The following GNA12 variants were observed in gnomAD, a reference collection of about 807,000 sequenced individuals.
The protein encoded by GNA12 is guanine nucleotide-binding protein subunit alpha-12.
Under a neutral mutation model 26.0 loss-of-function variants are expected in GNA12, and 9 were observed. That is an observed-to-expected ratio of 0.35 (90% CI 0.21 to 0.60). GNA12 has a LOEUF of 0.60. Among genes scored for constraint, GNA12 ranks in the 20% least tolerant of loss-of-function variants. GNA12 has a pLI of 0.78. For missense variants in GNA12, 405 were observed against 525.8 expected (o/e 0.77, Z 2.25); for synonymous variants, 264 against 219.6 (o/e 1.20, Z -1.79).
chr7:2,781,110 C>G (rs1792216894), intron 2 of GNA12, among the ~76,000 whole-genome samples: 1 of 152,202 alleles, frequency 6.6e-6, no homozygotes, highest in African/African-American at 2.4e-5. Flanking sequence ...GTAACTCATA[C>G]TGAATTGCCT....
intron 1 of GNA12, among the ~76,000 whole-genome samples, chr7:2,812,645 TCACATCACATCAC>T (rs1288201612): frequency 3.8e-5 from 3 of 79,424 alleles, no homozygotes; most frequent in Non-Finnish European, 9.2e-5. Context: ...TAACATCACA[TCACATCACATCAC>T]ATCACATCAC....
At chr7:2,797,530 T>G (rs1792707140) in intron 1 of GNA12, among the ~76,000 whole-genome samples, 2 of 152,128 alleles carry the variant, frequency 1.3e-5, no homozygotes, top group Non-Finnish European at 2.9e-5. Context: ...GTGTACAACT[T>G]AATGATTTTT....
At chr7:2,769,676 T>A (rs1335117743) in intron 2 of GNA12, among the ~76,000 whole-genome samples, 2 of 151,970 alleles carry the variant, frequency 1.3e-5, no homozygotes, top group Non-Finnish European at 2.9e-5. Context: ...GAGCTTGCAG[T>A]GAGCCGAGAT....
chr7:2,751,742 T>TA (rs1583236182), intron 2 of GNA12, among the ~76,000 whole-genome samples: 1 of 152,228 alleles, frequency 6.6e-6, no homozygotes, highest in African/African-American at 2.4e-5. Flanking sequence ...AACTTTATGC[T>TA]AACAGATTGG....
chr7:2,777,468 A>G (rs905145524), intron 2 of GNA12, among the ~76,000 whole-genome samples: 11 of 152,228 alleles, frequency 7.2e-5, no homozygotes, highest in African/African-American at 2.7e-4. Context: ...TGCCTCCCCA[A>G]ATTCCTATCC....
chr7:2,745,313 C>T (rs997000573), intron 2 of GNA12, among the ~76,000 whole-genome samples: 33 of 152,236 alleles, frequency 2.2e-4, no homozygotes, highest in Non-Finnish European at 3.8e-4. Flanking sequence ...AGACTAACAG[C>T]TGATCTCTTG....
intron 1 of GNA12, among the ~76,000 whole-genome samples, chr7:2,807,686 ACC>A (rs1792981847): frequency 6.6e-6 from 1 of 152,180 alleles, no homozygotes; most frequent in Non-Finnish European, 1.5e-5. Flanking sequence ...TTGCGATAAG[ACC>A]AAATGGAAAA....
chr7:2,814,377 T>C (rs755506689), intron 1 of GNA12: 1 of 1,578,902 alleles, frequency 6.3e-7, no homozygotes, highest in Middle Eastern at 1.7e-4. Context: ...CCATCTGGTG[T>C]GCTTCCCGAA....
rs112433606 is a variant in GNA12 at position 2,799,620 on chromosome 7, T to C, written c.310-4477A>G. ...CTCAACAGTTTAAAAAGCAAACAAA[T>C]CCAGTTAGAAAATGGGCAAAATTCA... is the stretch of plus-strand genomic sequence containing the variant. On this transcript the variant is annotated intron_variant, in intron 1 of 3. Transcript: ENST00000275364. 7.0e-3 allele frequency among the ~76,000 whole-genome samples: 1,049 copies of C among 149,534 alleles called. 12 individuals are homozygous for C. The highest frequency in any genetic ancestry group is 0.024 in the African/African-American group (986 of 40,566).
chr7:2,838,318 G>T (rs144227257), intron 1 of GNA12, among the ~76,000 whole-genome samples: 2 of 151,124 alleles, frequency 1.3e-5, no homozygotes, highest in South Asian at 4.2e-4. Flanking sequence ...GATCGCTCAT[G>T]CCTATAATCT....
In GNA12 at chr7:2,731,444, G is replaced by C. The variant is rs999964514; in HGVS notation, c.883C>G (p.Leu295Val). ...TCCACCAGGAGGTCCATCTTGTTGA[G>C]GAAGAGAATGATGGAGACGTTGAAG... The part of the protein sequence containing the change: ...LFFNVSIILF[L>V]NKMDLLVEKV... The change falls in exon 4 of 4, where the codon CTC becomes GTC. Residue 295 changes from leucine to valine, a missense_variant. Transcript: ENST00000275364. This position sits in a 1 kb window ranked among gnomAD's most constrained non-coding sequence, Gnocchi z 6.0. The C allele has an allele frequency of 6.2e-7, 1 of 1,613,820 alleles. No individual in the cohort carries two copies. The highest frequency in any genetic ancestry group is 1.3e-5 in the African/African-American group (1 of 75,028).
At chr7:2,843,018 G>C (rs946435745) in intron 1 of GNA12, among the ~76,000 whole-genome samples, 6 of 152,196 alleles carry the variant, frequency 3.9e-5, no homozygotes, top group Non-Finnish European at 7.3e-5. Flanking sequence ...TAGAAAGTGT[G>C]GCTCACACCT....
chr7:2,825,430 C>A (rs1273536809), intron 1 of GNA12, among the ~76,000 whole-genome samples: 2 of 120,812 alleles, frequency 1.7e-5, no homozygotes, highest in Non-Finnish European at 3.9e-5. Context: ...GCATGTGCGC[C>A]CCCAGCAGTG....
intron 2 of GNA12, among the ~76,000 whole-genome samples, chr7:2,754,866 G>A (rs943403139): frequency 2.6e-5 from 4 of 152,202 alleles, no homozygotes; most frequent in Non-Finnish European, 5.9e-5. Context: ...TCTTCACCAA[G>A]TTCTAGGCCC....
intron 2 of GNA12, among the ~76,000 whole-genome samples, chr7:2,756,012 C>G (rs1231388952): frequency 6.6e-6 from 1 of 152,110 alleles, no homozygotes; most frequent in Non-Finnish European, 1.5e-5. Flanking sequence ...GAATAACAAA[C>G]CATTTTATAA....
At chr7:2,792,038 G>A (rs1792533685) in intron 2 of GNA12, among the ~76,000 whole-genome samples, 1 of 152,116 alleles carries the variant, frequency 6.6e-6, no homozygotes, top group Non-Finnish European at 1.5e-5. Context: ...AAAGTCTCAT[G>A]GTCTGAAGCA....
chr7:2,840,056 G>T (rs1778945999), intron 1 of GNA12, among the ~76,000 whole-genome samples: 1 of 152,104 alleles, frequency 6.6e-6, no homozygotes, highest in African/African-American at 2.4e-5. Flanking sequence ...GGAGAGAGTG[G>T]CTACAAAAGA....
At chr7:2,779,927 A>C (rs1047404158) in intron 2 of GNA12, among the ~76,000 whole-genome samples, 2 of 151,876 alleles carry the variant, frequency 1.3e-5, no homozygotes, top group Admixed American at 6.6e-5. Context: ...ACAGTTAAAA[A>C]TAAAAATAAT....
intron 2 of GNA12, among the ~76,000 whole-genome samples, chr7:2,785,644 A>G (rs948333974): frequency 2.0e-5 from 3 of 151,958 alleles, no homozygotes; most frequent in African/African-American, 7.3e-5. Context: ...TGTATTGTAC[A>G]TGTGCATATA....
Sources: allele counts gnomAD v4.1 joint callset (sites outside exome capture counted in the v4.1 genomes callset), GRCh38; gene constraint gnomAD v4.1.1; non-coding constraint Gnocchi (gnomAD v3.1); transcripts MANE v1.5; gene names NCBI Gene and HGNC (gene_info 2026-07-23, HGNC 2026-07-21).